SMYD3: variants seen among roughly 807,000 people sequenced by gnomAD.
SMYD3 encodes histone-lysine N-methyltransferase SMYD3.
SMYD3 carries 36 observed loss-of-function variants against 57.7 expected under a neutral mutation model. That is an observed-to-expected ratio of 0.62 (90% CI 0.48 to 0.82). The LOEUF (loss-of-function observed/expected upper bound fraction) is 0.82, where lower values mean the gene tolerates loss of function less well. Among genes scored for constraint, SMYD3 ranks in the 40% least tolerant of loss-of-function variants. The probability of loss-of-function intolerance (pLI) is 0.00; values close to 1 mark genes in which losing one functional copy is unlikely to be tolerated. For synonymous variants in SMYD3, 211 were observed against 195.0 expected (o/e 1.08, Z -0.68); for missense variants, 515 against 538.8 (o/e 0.96, Z 0.44).
At chr1:246,419,619 T>A (rs1281789329) in intron 1 of SMYD3, among the ~76,000 whole-genome samples, 1 of 152,064 alleles carries the variant, frequency 6.6e-6, no homozygotes, top group Admixed American at 6.5e-5. Flanking sequence ...CCTTACCCCC[T>A]TCCTCATCAT....
intron 10 of SMYD3, among the ~76,000 whole-genome samples, chr1:245,781,377 T>C (rs759115173): frequency 2.0e-5 from 3 of 152,216 alleles, no homozygotes; most frequent in Non-Finnish European, 4.4e-5. Context: ...GAGCTATTAT[T>C]TGATTCCAGG....
At chr1:246,382,918 C>A (rs1202875432) in intron 1 of SMYD3, among the ~76,000 whole-genome samples, 1 of 152,152 alleles carries the variant, frequency 6.6e-6, no homozygotes, top group East Asian at 1.9e-4. Flanking sequence ...TTCAGGCCAG[C>A]CCCTACAGAC....
chr1:246,243,690 C>T (rs1368122662), intron 5 of SMYD3, among the ~76,000 whole-genome samples: 2 of 151,712 alleles, frequency 1.3e-5, no homozygotes, highest in African/African-American at 2.4e-5. Flanking sequence ...TATTTGTTGG[C>T]CCATATATCA....
chr1:245,946,394 T>C (rs1427870153), intron 5 of SMYD3, among the ~76,000 whole-genome samples: 2 of 152,152 alleles, frequency 1.3e-5, no homozygotes, highest in Non-Finnish European at 2.9e-5. Flanking sequence ...GTCTTTACAC[T>C]AAATCCCAAA....
intron 5 of SMYD3, among the ~76,000 whole-genome samples, chr1:246,222,574 T>C (rs1479111274): frequency 2.6e-5 from 4 of 152,190 alleles, no homozygotes; most frequent in Non-Finnish European, 4.4e-5. Context: ...GCTCCTGTCA[T>C]AGAGTAGATT....
intron 8 of SMYD3, among the ~76,000 whole-genome samples, chr1:245,896,921 A>AG (rs879668363): frequency 1.4e-4 from 22 of 152,184 alleles, no homozygotes; most frequent in Non-Finnish European, 2.4e-4. Flanking sequence ...AAACAAAAAA[A>AG]CTGTCCACTA....
intron 5 of SMYD3, among the ~76,000 whole-genome samples, chr1:245,991,565 T>C (rs1264944713): frequency 6.6e-6 from 1 of 152,192 alleles, no homozygotes; most frequent in East Asian, 1.9e-4. Flanking sequence ...GGCTGGGGCA[T>C]CTAAGCTCAC....
chr1:246,111,622 T>C (rs2061244426), intron 5 of SMYD3: 1 of 152,262 alleles, frequency 6.6e-6, no homozygotes, highest in Non-Finnish European at 1.5e-5. Context: ...GACTAAACTG[T>C]ATGATCCTTC....
intron 5 of SMYD3, among the ~76,000 whole-genome samples, chr1:246,116,597 G>A (rs762918051): frequency 1.3e-5 from 2 of 152,178 alleles, no homozygotes; most frequent in Non-Finnish European, 2.9e-5. Context: ...ACACCTGATA[G>A]GTTTTCAGTG....
At chr1:246,265,605 T>G (rs527677235) in intron 5 of SMYD3, among the ~76,000 whole-genome samples, 1 of 152,300 alleles carries the variant, frequency 6.6e-6, no homozygotes, top group South Asian at 2.1e-4. Context: ...GATATTCACA[T>G]GTCAGCAGCT....
At chr1:246,478,730 C>T (rs1284818101) in intron 1 of SMYD3, among the ~76,000 whole-genome samples, 3 of 7,220 alleles carry the variant, frequency 4.2e-4, no homozygotes, top group African/African-American at 5.7e-4. Flanking sequence ...CTCATATATG[C>T]ACACCTGTCC....
intron 5 of SMYD3, among the ~76,000 whole-genome samples, chr1:246,238,180 C>T (rs1222842263): frequency 6.6e-6 from 1 of 152,120 alleles, no homozygotes; most frequent in Non-Finnish European, 1.5e-5. Flanking sequence ...CCTCACACCT[C>T]AGCCTCCTGA....
chr1:246,324,463 A>AT lies in SMYD3; in HGVS notation c.531+2737dup, dbSNP rs2065306882. Reference sequence around the variant, plus strand: ...AGATGGGCTAAAACATAAGCTTAGTATGTCTATTATCTGCACAGAACCTGA... The same window carrying AT: ...AGATGGGCTAAAACATAAGCTTAGTATTGTCTATTATCTGCACAGAACCTGA... On this transcript the variant is annotated intron_variant, in intron 5 of 11. Coordinates refer to ENST00000490107, the MANE Select transcript of SMYD3 (RefSeq NM_001167740.2). Among the ~76,000 whole-genome samples, 3 of 150,674 alleles carry AT rather than the reference A, an allele frequency of 2.0e-5. No individual in the cohort carries two copies. In the South Asian group the frequency reaches 6.3e-4, roughly 32 times the overall value.
At chr1:246,349,347 G>A (rs1318385511) in intron 2 of SMYD3, among the ~76,000 whole-genome samples, 1 of 151,518 alleles carries the variant, frequency 6.6e-6, no homozygotes, top group African/African-American at 2.4e-5. Context: ...GCTCAGGCCT[G>A]TAATCCCAGC....
intron 7 of SMYD3, among the ~76,000 whole-genome samples, chr1:245,920,880 C>T (rs985218888): frequency 3.3e-5 from 5 of 152,084 alleles, no homozygotes; most frequent in East Asian, 3.9e-4. Context: ...CGTCAGCTTT[C>T]GGAAAGAACA....
At chr1:246,469,746 C>T (rs2067933251) in intron 1 of SMYD3, among the ~76,000 whole-genome samples, 2 of 151,886 alleles carry the variant, frequency 1.3e-5, no homozygotes, top group South Asian at 4.2e-4. Context: ...AGGTAAGAAC[C>T]AATCAATAAT....
At chr1:245,822,028 C>T (rs553225942) in intron 10 of SMYD3, among the ~76,000 whole-genome samples, 17 of 152,184 alleles carry the variant, frequency 1.1e-4, no homozygotes, top group African/African-American at 3.9e-4. Flanking sequence ...ACCATTTGAC[C>T]CAGTCATGCC....
At position 246,335,380 on chromosome 1, in the gene SMYD3, A is replaced by G; in HGVS notation, c.323T>C (p.Val108Ala). 1 of 1,613,952 alleles carries G rather than the reference A, an allele frequency of 6.2e-7. No individual in the cohort carries two copies. The highest frequency in any genetic ancestry group is 8.5e-7 in the Non-Finnish European group (1 of 1,179,900). The change falls in exon 3 of 12, where the codon GTT becomes GCT. Residue 108 changes from valine (V) to alanine (A), a missense_variant. Physicochemically the swap from Val to Ala is moderately conservative, Grantham distance 64. Coordinates refer to ENST00000490107, the MANE Select transcript of SMYD3 (RefSeq NM_001167740.2). ...PPDSVRLLGRVVFKLMDGAPS... is the reference protein window; with the variant it reads ...PPDSVRLLGRAVFKLMDGAPS... Reference sequence around the variant, plus strand: ...TTTTATACTCACAAGTTTGAAGACAACTCTGCCAAGAAGTCGAACGGAGTC... The same window carrying G: ...TTTTATACTCACAAGTTTGAAGACAGCTCTGCCAAGAAGTCGAACGGAGTC...
At chr1:246,198,502 G>T (rs1195011599) in intron 5 of SMYD3, among the ~76,000 whole-genome samples, 1 of 152,150 alleles carries the variant, frequency 6.6e-6, no homozygotes, top group African/African-American at 2.4e-5. Flanking sequence ...AAGAATGACC[G>T]GGGTACATAG....
Sources: gnomAD v4.1 joint callset for allele counts (sites outside exome capture counted in the v4.1 genomes callset) on GRCh38, gnomAD v4.1.1 for gene constraint, MANE v1.5 for transcripts, NCBI Gene and HGNC (gene_info 2026-07-23, HGNC 2026-07-21) for gene names.